Variants in RNF128 observed in about 807,000 individuals in gnomAD.
RNF128 encodes E3 ubiquitin-protein ligase RNF128.
Under a neutral mutation model 26.2 loss-of-function variants are expected in RNF128, and 13 were observed. The observed-to-expected ratio is 0.50, with a 90% CI of 0.32 to 0.79. The LOEUF is 0.79. RNF128 is among the 30% of genes least tolerant of loss of function. The pLI is 0.03. For synonymous variants in RNF128, 149 were observed against 142.5 expected (o/e 1.05, Z -0.32); for missense variants, 315 against 349.7 (o/e 0.90, Z 0.79).
intron 1 of RNF128, among the ~76,000 whole-genome samples, chrX:106,699,466 C>G (rs974369712): frequency 3.6e-5 from 4 of 111,514 alleles, no homozygotes; most frequent in Non-Finnish European, 5.6e-5. Context: ...CCATGTCTAT[C>G]TACTACCACT....
At chrX:106,736,986 T>C (rs1347935340) in intron 1 of RNF128, among the ~76,000 whole-genome samples, 1 of 111,546 alleles carries the variant, frequency 9.0e-6, no homozygotes, top group Non-Finnish European at 1.9e-5. Context: ...TGGATTATTA[T>C]ATTATTCCCA....
At chrX:106,739,222 C>A (rs971867657) in intron 1 of RNF128, among the ~76,000 whole-genome samples, 1 of 109,395 alleles carries the variant, frequency 9.1e-6, no homozygotes, top group African/African-American at 3.3e-5. Context: ...TGCAGTGGTG[C>A]AATATGGGCT....
intron 2 of RNF128, 129 bp downstream of exon 2, chrX:106,773,289 A>C: frequency 1.6e-6 from 1 of 630,066 alleles, no homozygotes; most frequent in Non-Finnish European, 2.4e-6. Context: ...AAAATCTGGT[A>C]GTTTTTAAAA....
exon 1 of RNF128, chrX:106,694,154 G>T: frequency 8.3e-7 from 1 of 1,211,132 alleles, no homozygotes; most frequent in Non-Finnish European, 1.1e-6. Context: ...ACATGTGAAT[G>T]TGGCGTTTAT....
intron 2 of RNF128, among the ~76,000 whole-genome samples, chrX:106,775,906 A>C (rs1403495994): frequency 8.9e-6 from 1 of 111,992 alleles, no homozygotes; most frequent in Non-Finnish European, 1.9e-5. Flanking sequence ...GGAAACTGAT[A>C]ACTGTAACCA....
chrX:106,747,243 C>T (rs1290705786), intron 1 of RNF128, among the ~76,000 whole-genome samples: 1 of 111,497 alleles, frequency 9.0e-6, no homozygotes, highest in South Asian at 3.7e-4. Flanking sequence ...TGTGAATGAT[C>T]TCACAATTAC....
At chrX:106,734,839 A>C (rs1273756961) in intron 1 of RNF128, among the ~76,000 whole-genome samples, 1 of 112,095 alleles carries the variant, frequency 8.9e-6, no homozygotes. Flanking sequence ...GTAGGAGCCC[A>C]GTCACCCACA....
intron 1 of RNF128, among the ~76,000 whole-genome samples, chrX:106,752,970 A>G (rs920713519): frequency 4.5e-5 from 5 of 111,478 alleles, no homozygotes; most frequent in African/African-American, 1.6e-4. Flanking sequence ...AGCAGAAGAA[A>G]AAAGTATTGA....
chrX:106,777,583 C>T (rs1019689268), intron 2 of RNF128, among the ~76,000 whole-genome samples: 10 of 111,983 alleles, frequency 8.9e-5, no homozygotes, highest in African/African-American at 2.9e-4. Context: ...TCTGCCACAC[C>T]GGAGGCAGCA....
At chrX:106,760,105 TA>T (rs1422291532) in intron 1 of RNF128, among the ~76,000 whole-genome samples, 1 of 111,208 alleles carries the variant, frequency 9.0e-6, no homozygotes. Context: ...ATAAAAAGAA[TA>T]AAAAATTTAG....
intron 1 of RNF128, among the ~76,000 whole-genome samples, chrX:106,756,209 C>G (rs1334863727): frequency 9.0e-6 from 1 of 111,533 alleles, no homozygotes; most frequent in Non-Finnish European, 1.9e-5. Flanking sequence ...CTACCAATGC[C>G]TTTCTTCACA....
upstream of RNF128, among the ~76,000 whole-genome samples, chrX:106,723,206 G>A (rs189222567): frequency 8.9e-6 from 1 of 111,947 alleles, no homozygotes; most frequent in East Asian, 2.8e-4. Flanking sequence ...ATCACTTGTT[G>A]TCATTTTGCC....
In RNF128 at chrX:106,696,562, T is replaced by C. The variant is rs1928876652; in HGVS notation, c.406+2154T>C. On this transcript the variant is annotated intron_variant, in intron 1 of 6. Coordinates refer to the RNF128 transcript ENST00000324342. ...GAGGATGGGGGAAATCCTCCTACAA[T>C]AAAGCTCACGATTTCACCTTCTGTC... Among the ~76,000 whole-genome samples, 6 of 111,242 alleles carry C rather than the reference T, an allele frequency of 5.4e-5. No individual in the cohort carries two copies. The Admixed American group carries it at 5.8e-4, about 11-fold the overall frequency.
chrX:106,789,427 A>AGTG (rs1425826044), intron 4 of RNF128, among the ~76,000 whole-genome samples: 6 of 99,608 alleles, frequency 6.0e-5, no homozygotes, highest in African/African-American at 1.9e-4. Flanking sequence ...TACATAATAT[A>AGTG]TAGTATATAT....
chrX:106,715,245 G>A (rs1465051186), intron 1 of RNF128, among the ~76,000 whole-genome samples: 2 of 111,740 alleles, frequency 1.8e-5, no homozygotes, highest in Non-Finnish European at 3.8e-5. Flanking sequence ...AGCCATTCTG[G>A]TAGGTATGCA....
intron 1 of RNF128, among the ~76,000 whole-genome samples, chrX:106,764,596 G>A (rs1930181643): frequency 9.1e-6 from 1 of 110,423 alleles, no homozygotes; most frequent in Non-Finnish European, 1.9e-5. Flanking sequence ...GAACCCAGGA[G>A]GCAGAGGTTG....
At chrX:106,778,954 C>A (rs1362129447) in intron 2 of RNF128, among the ~76,000 whole-genome samples, 2 of 112,004 alleles carry the variant, frequency 1.8e-5, no homozygotes, top group Non-Finnish European at 3.8e-5. Context: ...CCACTATTAA[C>A]ATATATACAT....
At chrX:106,782,477 A>G (rs892854185) in intron 2 of RNF128, among the ~76,000 whole-genome samples, 3 of 111,807 alleles carry the variant, frequency 2.7e-5, no homozygotes, top group Admixed American at 9.5e-5. Flanking sequence ...CTAGAAAAAC[A>G]TCAAAAGACA....
At chrX:106,696,981 C>T (rs1376009923) in intron 1 of RNF128, among the ~76,000 whole-genome samples, 1 of 111,243 alleles carries the variant, frequency 9.0e-6, no homozygotes, top group East Asian at 2.8e-4. Flanking sequence ...ACCAACCATT[C>T]TAGTTTGCTT....
Sources: allele counts gnomAD v4.1 joint callset (sites outside exome capture counted in the v4.1 genomes callset), GRCh38; gene constraint gnomAD v4.1.1; transcripts MANE v1.5; gene names NCBI Gene and HGNC (gene_info 2026-07-23, HGNC 2026-07-21).